COMMD10: variants seen among roughly 807,000 people sequenced by gnomAD.
COMMD10 encodes COMM domain containing 10, also known as COMM domain-containing protein 10.
In COMMD10, 33 loss-of-function variants were observed where a neutral mutation model predicts 28.9. The ratio of observed to expected loss-of-function variants is 1.14; its 90% CI spans 0.87 to 1.53. The LOEUF is 1.53. Ranked by LOEUF, COMMD10 falls within the 40% of genes most tolerant of loss-of-function variation. COMMD10 has a pLI of 0.00. For missense variants in COMMD10, 310 were observed against 233.4 expected (o/e 1.33, Z -2.14); for synonymous variants, 110 against 81.7 (o/e 1.35, Z -1.87).
chr5:116,257,417 A>G (rs1429896137), intron 5 of COMMD10, among the ~76,000 whole-genome samples: 1 of 151,758 alleles, frequency 6.6e-6, no homozygotes, highest in Non-Finnish European at 1.5e-5. Context: ...TGTACTAACC[A>G]GTTCCAGATG....
rs545817965 is a variant in COMMD10 at position 116,128,271 on chromosome 5, C to T, written c.400-5797C>T. 5.9e-5 allele frequency among the ~76,000 whole-genome samples: 9 copies of T among 152,012 alleles called. No homozygotes were observed. The South Asian group carries it at 1.0e-3, about 18-fold the overall frequency. On this transcript the variant is annotated intron_variant, in intron 4 of 6. Transcript: ENST00000274458. ...TGAGGTGACATTTTAGTAACATTCT[C>T]AGGTAAAAGGTAATGTAAGTGAGAT...
chr5:116,112,246 G>C (rs1751069159), intron 4 of COMMD10, among the ~76,000 whole-genome samples: 1 of 152,040 alleles, frequency 6.6e-6, no homozygotes, highest in Non-Finnish European at 1.5e-5. Flanking sequence ...TTATTTTAAA[G>C]TATGCTTTAT....
At chr5:116,185,869 C>G (rs1286888588) in intron 5 of COMMD10, among the ~76,000 whole-genome samples, 1 of 152,100 alleles carries the variant, frequency 6.6e-6, no homozygotes, top group African/African-American at 2.4e-5. Flanking sequence ...TCACTTTACT[C>G]TCATTTCAGT....
intron 5 of COMMD10, among the ~76,000 whole-genome samples, chr5:116,243,283 A>G (rs1053143755): frequency 6.6e-6 from 1 of 152,162 alleles, no homozygotes; most frequent in African/African-American, 2.4e-5. Flanking sequence ...GACTGACTCA[A>G]TTTGCATTAC....
intron 4 of COMMD10, among the ~76,000 whole-genome samples, chr5:116,099,694 A>G (rs1015793850): frequency 6.6e-6 from 1 of 152,154 alleles, no homozygotes; most frequent in African/African-American, 2.4e-5. Context: ...TTGATGATTA[A>G]TGATATTGAC....
At chr5:116,185,293 A>G (rs1036424669) in intron 5 of COMMD10, among the ~76,000 whole-genome samples, 4 of 152,112 alleles carry the variant, frequency 2.6e-5, no homozygotes, top group Non-Finnish European at 5.9e-5. Context: ...TGTCTTCTAG[A>G]TATAAATATG....
intron 4 of COMMD10, among the ~76,000 whole-genome samples, chr5:116,132,999 T>G (rs192696731): frequency 2.5e-3 from 387 of 152,296 alleles, no homozygotes; most frequent in Non-Finnish European, 4.4e-3. Flanking sequence ...CTTCCATTGC[T>G]GTCTTTCCAA....
chr5:116,118,612 C>T (rs1037339546), intron 4 of COMMD10, among the ~76,000 whole-genome samples: 2 of 152,222 alleles, frequency 1.3e-5, no homozygotes, highest in Non-Finnish European at 1.5e-5. Context: ...GGTTGTACTT[C>T]AAGCCTTTTT....
At chr5:116,289,849 C>G (rs2112717216) in intron 5 of COMMD10, among the ~76,000 whole-genome samples, 1 of 152,034 alleles carries the variant, frequency 6.6e-6, no homozygotes, top group Middle Eastern at 3.4e-3. Context: ...CAAGGGTATT[C>G]TGATCCGTAT....
At chr5:116,209,700 G>A (rs191096004) in intron 5 of COMMD10, among the ~76,000 whole-genome samples, 3 of 152,120 alleles carry the variant, frequency 2.0e-5, no homozygotes, top group East Asian at 1.9e-4. Flanking sequence ...AAGTCATAGC[G>A]TGCTTGTTAA....
chr5:116,229,102 C>T (rs1749466626), intron 5 of COMMD10, among the ~76,000 whole-genome samples: 2 of 151,940 alleles, frequency 1.3e-5, no homozygotes, highest in Admixed American at 1.3e-4. Flanking sequence ...ACATAGAGAG[C>T]ATTTATAATT....
At position 116,149,754 on chromosome 5, in the gene COMMD10, T is replaced by G. The variant is rs1266200152; in HGVS notation, c.510+15576T>G. ...TGAGTTCATTGTAGATTCTGGATATTAGCCCTTTGTCAGATGAGTAGGTTG... is the reference window on the plus strand; with the variant it reads ...TGAGTTCATTGTAGATTCTGGATATGAGCCCTTTGTCAGATGAGTAGGTTG... On this transcript the variant is annotated intron_variant, in intron 5 of 6. Transcript: ENST00000274458. Among the ~76,000 whole-genome samples the G allele has an allele frequency of 1.5e-3, 220 of 144,060 alleles. 1 individual carries two copies. The highest frequency in any genetic ancestry group is 5.2e-3 in the African/African-American group (206 of 39,678). 94.5% of individuals were successfully genotyped at this position (144,060 alleles called of 152,430 possible).
intron 5 of COMMD10, among the ~76,000 whole-genome samples, chr5:116,272,538 C>T (rs1236216440): frequency 1.3e-5 from 2 of 151,828 alleles, no homozygotes; most frequent in Non-Finnish European, 2.9e-5. Context: ...TCCCAGAACA[C>T]TGTTGCCATA....
intron 5 of COMMD10, among the ~76,000 whole-genome samples, chr5:116,246,779 A>G (rs1749961590): frequency 6.6e-6 from 1 of 152,210 alleles, no homozygotes; most frequent in Admixed American, 6.5e-5. Context: ...ATAATTGGCT[A>G]GCCGTATGCA....
At chr5:116,194,844 A>G (rs1214919681) in intron 5 of COMMD10, among the ~76,000 whole-genome samples, 1 of 152,140 alleles carries the variant, frequency 6.6e-6, no homozygotes, top group South Asian at 2.1e-4. Context: ...TACCAAAATC[A>G]GGAAAGGACA....
chr5:116,102,980 C>G (rs1361440733), intron 4 of COMMD10, among the ~76,000 whole-genome samples: 1 of 152,158 alleles, frequency 6.6e-6, no homozygotes, highest in Non-Finnish European at 1.5e-5. Context: ...ATCCATGTCC[C>G]TGCAAAGGAC....
At chr5:116,213,806 A>G (rs1475752959) in intron 5 of COMMD10, among the ~76,000 whole-genome samples, 1 of 152,118 alleles carries the variant, frequency 6.6e-6, no homozygotes, top group Non-Finnish European at 1.5e-5. Flanking sequence ...TTTAGTACAA[A>G]TACCATGTTA....
chr5:116,173,849 G>GTT (rs761332339), intron 5 of COMMD10, among the ~76,000 whole-genome samples: 14 of 117,168 alleles, frequency 1.2e-4, no homozygotes, highest in African/African-American at 3.0e-4. Flanking sequence ...TTTTGTTTTT[G>GTT]TTTTTTTTTT....
At chr5:116,212,774 A>T (rs368562933) in intron 5 of COMMD10, among the ~76,000 whole-genome samples, 1 of 152,146 alleles carries the variant, frequency 6.6e-6, no homozygotes, top group African/African-American at 2.4e-5. Flanking sequence ...TAGTACAAAC[A>T]TCGAAGGCTA....
Sources: gnomAD v4.1 joint callset for allele counts (sites outside exome capture counted in the v4.1 genomes callset) on GRCh38, gnomAD v4.1.1 for gene constraint, MANE v1.5 for transcripts, NCBI Gene and HGNC (gene_info 2026-07-23, HGNC 2026-07-21) for gene names.